PYGO1: variants seen among roughly 807,000 people sequenced by gnomAD.
The protein encoded by PYGO1 is pygopus family PHD finger 1, also known as pygopus homolog 1.
Under a neutral mutation model 29.5 loss-of-function variants are expected in PYGO1, and 6 were observed. The ratio of observed to expected loss-of-function variants is 0.20; its 90% confidence interval spans 0.11 to 0.40. The LOEUF (loss-of-function observed/expected upper bound fraction) is 0.40, where lower values mean the gene tolerates loss of function less well. Among genes scored for constraint, PYGO1 ranks in the 10% least tolerant of loss-of-function variants. The pLI is 1.00. For missense variants in PYGO1, 515 were observed against 514.9 expected, an observed-to-expected ratio of 1.00 and a Z score of 0.00; for synonymous variants, 186 against 180.5, an observed-to-expected ratio of 1.03 and a Z score of -0.24.
In PYGO1 at chr15:55,543,450, T is replaced by C. The variant is rs534426961; in HGVS notation, c.*2573A>G. Reference sequence around the variant, plus strand: ...TCAGAATGAACCGTGAGTTTTTCTTTTGAATATTTACAGATTCTTATTTAA... The same window carrying C: ...TCAGAATGAACCGTGAGTTTTTCTTCTGAATATTTACAGATTCTTATTTAA... On this transcript the variant is annotated 3_prime_UTR_variant, in exon 3 of 3. Coordinates refer to ENST00000563719, the MANE Select transcript of PYGO1 (RefSeq NM_001367806.1). 7 of 152,240 alleles carry C rather than the reference T, an allele frequency of 4.6e-5. No homozygotes were observed. The highest frequency in any genetic ancestry group is 8.8e-5 in the Non-Finnish European group (6 of 68,028). 9.4% of individuals were successfully genotyped at this position (152,240 alleles called of 1,614,324 possible). A position where few individuals can be genotyped will look rare whatever the true frequency, so the allele number is the denominator to read the frequency against.
chr15:55,569,649 T>C (rs1055091338), intron 1 of PYGO1, among the ~76,000 whole-genome samples: 1 of 152,230 alleles, frequency 6.6e-6, no homozygotes, highest in African/African-American at 2.4e-5. Flanking sequence ...TCCACCGTGG[T>C]CCAAAAGTAC....
At chr15:55,579,998 C>T (rs909280729) in intron 1 of PYGO1, among the ~76,000 whole-genome samples, 3 of 152,214 alleles carry the variant, frequency 2.0e-5, no homozygotes, top group Middle Eastern at 3.2e-3. Flanking sequence ...TGGTCTCCCA[C>T]TTACCTCTTT....
At chr15:55,558,427 T>A (rs1010294489) in intron 1 of PYGO1, among the ~76,000 whole-genome samples, 1 of 152,046 alleles carries the variant, frequency 6.6e-6, no homozygotes, top group African/African-American at 2.4e-5. Context: ...CTGCCCAAGG[T>A]AATTTATAGA....
chr15:55,554,385 C>T (rs1245431677), intron 1 of PYGO1, among the ~76,000 whole-genome samples: 3 of 148,266 alleles, frequency 2.0e-5, no homozygotes, highest in East Asian at 4.2e-4. Context: ...GGGAGAATGG[C>T]GTGAACATGG....
intron 2 of PYGO1, 64 bp downstream of exon 2, chr15:55,548,846 T>C: frequency 7.4e-7 from 1 of 1,349,848 alleles, no homozygotes; most frequent in Non-Finnish European, 1.0e-6. Flanking sequence ...CAAGTTCAAA[T>C]TTACCTCATC....
chr15:55,555,335 G>T (rs2058899400), intron 1 of PYGO1, among the ~76,000 whole-genome samples: 1 of 151,984 alleles, frequency 6.6e-6, no homozygotes, highest in African/African-American at 2.4e-5. Flanking sequence ...CACTGAGCCT[G>T]CCTTGCAAGA....
chr15:55,571,989 G>T (rs1213067391), intron 1 of PYGO1, among the ~76,000 whole-genome samples: 1 of 151,942 alleles, frequency 6.6e-6, no homozygotes, highest in African/African-American at 2.4e-5. Flanking sequence ...CCCTCAATAG[G>T]GTTTTTAGGG....
At chr15:55,560,881 G>GA (rs1346992491) in intron 1 of PYGO1, among the ~76,000 whole-genome samples, 3 of 152,058 alleles carry the variant, frequency 2.0e-5, no homozygotes, top group East Asian at 3.9e-4. Context: ...AGAATTGCTT[G>GA]AACCTGTGTT....
chr15:55,564,316 A>G (rs959859524), intron 1 of PYGO1, among the ~76,000 whole-genome samples: 16 of 152,238 alleles, frequency 1.1e-4, no homozygotes, highest in Admixed American at 3.9e-4. Context: ...GCCAGACACA[A>G]AAAGCCACAT....
chr15:55,582,386 A>G (rs2059028964), intron 1 of PYGO1, among the ~76,000 whole-genome samples: 1 of 151,866 alleles, frequency 6.6e-6, no homozygotes, highest in African/African-American at 2.4e-5. Context: ...AACAAAATTC[A>G]TTTATCTACC....
chr15:55,569,020 A>C (rs1399539240), intron 1 of PYGO1, among the ~76,000 whole-genome samples: 1 of 151,494 alleles, frequency 6.6e-6, no homozygotes, highest in African/African-American at 2.4e-5. Context: ...GTTTACATCT[A>C]TGTTCATCAG....
Position 55,579,435 on chromosome 15 carries a change from G to A in PYGO1, c.49+8400C>T, listed in dbSNP as rs530906340. ...TTAACAAAAGTATAAATAGAAAAAG[G>A]TAATTCTTAAAAATAAAACAATTAT... On this transcript the variant is annotated intron_variant, in intron 1 of 2. Transcript: ENST00000563719. Among the ~76,000 whole-genome samples the A allele has an allele frequency of 2.6e-5, 4 of 152,216 alleles. No individual in the cohort carries two copies. The East Asian group carries it at 7.7e-4, about 29-fold the overall frequency.
chr15:55,564,616 G>C (rs1398603065), intron 1 of PYGO1, among the ~76,000 whole-genome samples: 1 of 151,850 alleles, frequency 6.6e-6, no homozygotes, highest in Non-Finnish European at 1.5e-5. Flanking sequence ...CAAGGCACAG[G>C]TGTCACAAAA....
upstream of PYGO1, chr15:55,588,843 C>T (rs768745111): frequency 6.2e-6 from 10 of 1,613,860 alleles, no homozygotes; most frequent in Admixed American, 8.3e-5. Context: ...GGAGAGTTCT[C>T]GGCGGGCATG....
intron 1 of PYGO1, among the ~76,000 whole-genome samples, chr15:55,550,023 T>C (rs944855569): frequency 2.0e-4 from 31 of 152,176 alleles, no homozygotes; most frequent in Admixed American, 6.5e-5. Context: ...TTAAAAAAAA[T>C]ACAATGCCAT....
chr15:55,561,352 G>A (rs1280120262), intron 1 of PYGO1, among the ~76,000 whole-genome samples: 3 of 152,144 alleles, frequency 2.0e-5, no homozygotes, highest in Non-Finnish European at 4.4e-5. Flanking sequence ...GAATTTCCCT[G>A]AGATGGTAAT....
At chr15:55,576,760 C>CGAAAAAAAAAAAAAAAAAAAAA (rs2059004270) in intron 1 of PYGO1, among the ~76,000 whole-genome samples, 1 of 53,544 alleles carries the variant, frequency 1.9e-5, no homozygotes, top group African/African-American at 6.3e-5. Flanking sequence ...GGCGACAGAT[C>CGAAAAAAAAAAAAAAAAAAAAA]AAAAAAAAGA....
intron 1 of PYGO1, among the ~76,000 whole-genome samples, chr15:55,587,251 T>C (rs557694078): frequency 6.6e-6 from 1 of 152,322 alleles, no homozygotes; most frequent in Non-Finnish European, 1.5e-5. Context: ...AAATCAACCA[T>C]GCATAACACT....
chr15:55,559,144 A>G (rs2058921346), intron 1 of PYGO1, among the ~76,000 whole-genome samples: 1 of 152,206 alleles, frequency 6.6e-6, no homozygotes, highest in African/African-American at 2.4e-5. Context: ...ACAAGAAAAA[A>G]ACAACCCCAT....
Sources: allele counts gnomAD v4.1 joint callset (sites outside exome capture counted in the v4.1 genomes callset), GRCh38; gene constraint gnomAD v4.1.1; transcripts MANE v1.5; gene names NCBI Gene and HGNC (gene_info 2026-07-23, HGNC 2026-07-21).